Variants in KCNIP4 observed in about 807,000 individuals in gnomAD.
The protein encoded by KCNIP4 is potassium voltage-gated channel interacting protein 4.
KCNIP4 carries 12 observed loss-of-function variants against 34.0 expected under a neutral mutation model. The ratio of observed to expected loss-of-function variants is 0.35; its 90% CI spans 0.23 to 0.57. KCNIP4 has a LOEUF of 0.57. Ranked by LOEUF, KCNIP4 falls within the 20% of genes least tolerant of loss-of-function variation. The probability of loss-of-function intolerance (pLI) is 0.83; values close to 1 mark genes in which losing one functional copy is unlikely to be tolerated. For missense variants in KCNIP4, 238 were observed against 311.7 expected (o/e 0.76, Z 1.78); for synonymous variants, 124 against 102.2 (o/e 1.21, Z -1.29).
intron 1 of KCNIP4, among the ~76,000 whole-genome samples, chr4:21,466,105 C>G (rs758137718): frequency 1.3e-5 from 2 of 152,172 alleles, no homozygotes; most frequent in Non-Finnish European, 2.9e-5. Flanking sequence ...CTACCCACTA[C>G]CCCTAGAGAT....
chr4:21,520,233 G>A (rs1050619053), intron 1 of KCNIP4, among the ~76,000 whole-genome samples: 10 of 151,916 alleles, frequency 6.6e-5, no homozygotes, highest in African/African-American at 1.9e-4. Context: ...ACACACCCAG[G>A]ATCAATACTT....
At chr4:21,127,557 A>C (rs1750727056) in intron 1 of KCNIP4, among the ~76,000 whole-genome samples, 1 of 152,186 alleles carries the variant, frequency 6.6e-6, no homozygotes, top group Non-Finnish European at 1.5e-5. Context: ...TCAGACGCCT[A>C]ATAGAATACA....
At chr4:21,371,490 T>A (rs1720448007) in intron 1 of KCNIP4, among the ~76,000 whole-genome samples, 1 of 146,996 alleles carries the variant, frequency 6.8e-6, no homozygotes, top group Non-Finnish European at 1.5e-5. Context: ...ACATACTATC[T>A]CTGTGAGCTT....
chr4:21,918,663 G>A (rs377402863), intron 1 of KCNIP4, among the ~76,000 whole-genome samples: 14 of 152,210 alleles, frequency 9.2e-5, no homozygotes, highest in East Asian at 5.8e-4. Flanking sequence ...ACAGTGGTGC[G>A]TTTTATTTGA....
chr4:21,119,100 A>G (rs1749925616), intron 1 of KCNIP4, among the ~76,000 whole-genome samples: 2 of 152,092 alleles, frequency 1.3e-5, no homozygotes, highest in South Asian at 4.1e-4. Context: ...GTCATGGTTG[A>G]ATACTCAGTG....
chr4:21,013,242 T>C (rs1314659965), intron 1 of KCNIP4, among the ~76,000 whole-genome samples: 1 of 152,050 alleles, frequency 6.6e-6, no homozygotes, highest in African/African-American at 2.4e-5. Context: ...TGACAGATAG[T>C]GGCTGCATTC....
chr4:20,950,632 C>T (rs984719709), intron 1 of KCNIP4, among the ~76,000 whole-genome samples: 1 of 151,890 alleles, frequency 6.6e-6, no homozygotes, highest in Non-Finnish European at 1.5e-5. Flanking sequence ...AAGGCTTTTC[C>T]CCCTTTGTAG....
At chr4:21,833,676 T>C (rs1316120774) in intron 1 of KCNIP4, among the ~76,000 whole-genome samples, 1 of 152,018 alleles carries the variant, frequency 6.6e-6, no homozygotes, top group African/African-American at 2.4e-5. Flanking sequence ...CATGCCTATG[T>C]CCTGAATGGT....
chr4:20,985,779 G>A (rs1240197566), intron 1 of KCNIP4, among the ~76,000 whole-genome samples: 3 of 152,134 alleles, frequency 2.0e-5, no homozygotes, highest in African/African-American at 7.2e-5. Context: ...CTCTAATTGG[G>A]AAAGGGTTTA....
At chr4:21,589,331 T>TATGTATATATGTAC (rs1560540750) in intron 1 of KCNIP4, among the ~76,000 whole-genome samples, 3 of 147,318 alleles carry the variant, frequency 2.0e-5, no homozygotes, top group South Asian at 2.1e-4. Flanking sequence ...TATACACGTG[T>TATGTATATATGTAC]ATATATATAC....
chr4:21,352,368 C>T (rs1718094150), intron 1 of KCNIP4, among the ~76,000 whole-genome samples: 1 of 152,184 alleles, frequency 6.6e-6, no homozygotes, highest in Non-Finnish European at 1.5e-5. Flanking sequence ...TTTCCCTTTC[C>T]TAGCCAAAGG....
At chr4:21,849,853 G>C (rs1415410497) in intron 1 of KCNIP4, 2 of 151,930 alleles carry the variant, frequency 1.3e-5, no homozygotes, top group Non-Finnish European at 2.9e-5. Context: ...GTGTGTCTGT[G>C]TGTCTGTGTG....
intron 1 of KCNIP4, among the ~76,000 whole-genome samples, chr4:21,582,791 G>T (rs1577638396): frequency 6.6e-6 from 1 of 152,018 alleles, no homozygotes; most frequent in Admixed American, 6.5e-5. Context: ...CATCTGGAAT[G>T]AAAATGCACC....
intron 1 of KCNIP4, among the ~76,000 whole-genome samples, chr4:21,084,836 C>T (rs1462755448): frequency 1.3e-5 from 2 of 151,264 alleles, no homozygotes; most frequent in African/African-American, 4.9e-5. Context: ...TTCTTGAAGC[C>T]TTATCCAAAT....
intron 2 of KCNIP4, among the ~76,000 whole-genome samples, chr4:20,864,719 G>A (rs528658083): frequency 6.6e-6 from 1 of 152,150 alleles, no homozygotes; most frequent in South Asian, 2.1e-4. Context: ...GAATTGAAAG[G>A]GGTATTGAGT....
chr4:21,482,806 C>T (rs1352223312), intron 1 of KCNIP4, among the ~76,000 whole-genome samples: 5 of 152,024 alleles, frequency 3.3e-5, no homozygotes, highest in Non-Finnish European at 4.4e-5. Context: ...TTGCTCTTCT[C>T]GAGGAGTATC....
At chr4:20,856,467 G>A (rs1721585090) in intron 2 of KCNIP4, among the ~76,000 whole-genome samples, 1 of 152,160 alleles carries the variant, frequency 6.6e-6, no homozygotes, top group African/African-American at 2.4e-5. Context: ...TTCTTGTATA[G>A]CATGTAAAAC....
intron 1 of KCNIP4, among the ~76,000 whole-genome samples, chr4:20,963,509 A>T (rs1203232364): frequency 6.6e-6 from 1 of 152,164 alleles, no homozygotes; most frequent in Non-Finnish European, 1.5e-5. Context: ...ACAATGATTT[A>T]TTAATGAACT....
At chr4:20,848,443 T>G (rs1720634510) in intron 3 of KCNIP4, among the ~76,000 whole-genome samples, 1 of 141,116 alleles carries the variant, frequency 7.1e-6, no homozygotes, top group South Asian at 2.3e-4. Flanking sequence ...TTTGGGAAAA[T>G]GGGGGAAGGA....
Sources: gnomAD v4.1 joint callset for allele counts (sites outside exome capture counted in the v4.1 genomes callset) on GRCh38, gnomAD v4.1.1 for gene constraint, MANE v1.5 for transcripts, NCBI Gene and HGNC (gene_info 2026-07-23, HGNC 2026-07-21) for gene names.